Variants in LRP2 observed in about 807,000 individuals in gnomAD.
LRP2 encodes LDL receptor related protein 2, also known as low-density lipoprotein receptor-related protein 2.
LRP2 carries 172 observed loss-of-function variants against 531.0 expected under a neutral mutation model. The ratio of observed to expected loss-of-function variants is 0.32; its 90% CI spans 0.29 to 0.37. The LOEUF is 0.37. Ranked by LOEUF, LRP2 falls within the 10% of genes least tolerant of loss-of-function variation. LRP2 has a pLI of 1.00. For missense variants in LRP2, 5,167 were observed against 5,868.3 expected, an observed-to-expected ratio of 0.88 and a Z score of 3.90; for synonymous variants, 1,992 against 2,027.6, an observed-to-expected ratio of 0.98 and a Z score of 0.47.
At chr2:169,243,301 A>C in intron 23 of LRP2, 102 bp downstream of exon 23, 1 of 1,404,990 alleles carries the variant, frequency 7.1e-7, no homozygotes, top group East Asian at 2.3e-5. Flanking sequence ...CCCACCCCCC[A>C]ACAGGCCCCG....
chr2:169,135,718 G>A (rs1558970412), intron 76 of LRP2, among the ~76,000 whole-genome samples: 1 of 59,836 alleles, frequency 1.7e-5, no homozygotes, highest in African/African-American at 7.5e-5. Flanking sequence ...GAATGCTACA[G>A]GGTACAGCCA....
chr2:169,269,671 A>C (rs1342464356), intron 16 of LRP2, among the ~76,000 whole-genome samples: 1 of 152,198 alleles, frequency 6.6e-6, no homozygotes, highest in Non-Finnish European at 1.5e-5. Flanking sequence ...AACCTAGACA[A>C]TACCATTCAG....
chr2:169,332,268 C>T (rs1325521375), intron 1 of LRP2, among the ~76,000 whole-genome samples: 1 of 152,206 alleles, frequency 6.6e-6, no homozygotes, highest in Non-Finnish European at 1.5e-5. Flanking sequence ...AATGGACCTT[C>T]TTGACTGAAT....
intron 16 of LRP2, among the ~76,000 whole-genome samples, chr2:169,259,490 A>C (rs1690453637): frequency 6.6e-6 from 1 of 151,980 alleles, no homozygotes; most frequent in Non-Finnish European, 1.5e-5. Context: ...GCCTGGATTT[A>C]CTCCCATGTC....
intron 1 of LRP2, among the ~76,000 whole-genome samples, chr2:169,321,739 A>AAAAAC (rs1321975687): frequency 3.3e-5 from 5 of 152,046 alleles, no homozygotes; most frequent in Non-Finnish European, 5.9e-5. Flanking sequence ...CCAAAGAGCC[A>AAAAAC]AAAACAAAAC....
In LRP2 at chr2:169,350,659, G is replaced by A. The variant is rs1046100377; in HGVS notation, c.79+11662C>T. 1.8e-4 allele frequency among the ~76,000 whole-genome samples: 26 copies of A among 146,952 alleles called. 1 individual carries two copies. The highest frequency in any genetic ancestry group is 1.8e-3 in the Admixed American group (25 of 14,150). On this transcript the variant is annotated intron_variant, in intron 1 of 78. Coordinates refer to ENST00000649046, the MANE Select transcript of LRP2 (RefSeq NM_004525.3). Reference sequence around the variant, plus strand: ...GAATCGCTTGAACCTGGGAGGCAGAGGTTGCAGTGAGCCAAGATCACGCCT... The same window carrying A: ...GAATCGCTTGAACCTGGGAGGCAGAAGTTGCAGTGAGCCAAGATCACGCCT...
chr2:169,264,235 A>AAAGT (rs1394303559), intron 16 of LRP2, among the ~76,000 whole-genome samples: 1 of 152,032 alleles, frequency 6.6e-6, no homozygotes, highest in Non-Finnish European at 1.5e-5. Context: ...CCTAAAACTT[A>AAAGT]AAGTATAATA....
chr2:169,248,922 C>A, intron 19 of LRP2, among the ~76,000 whole-genome samples: 1 of 79,568 alleles, frequency 1.3e-5, no homozygotes, highest in Non-Finnish European at 2.5e-5. Context: ...TTGCGCTTTT[C>A]AGACCGGCTT....
chr2:169,201,613 T>G lies in LRP2; in HGVS notation c.8452+15A>C. 1 of 1,614,176 alleles carries G rather than the reference T, an allele frequency of 6.2e-7. No homozygotes were observed. The highest frequency in any genetic ancestry group is 8.5e-7 in the Non-Finnish European group (1 of 1,180,034). On this transcript the variant is annotated intron_variant, in intron 44 of 78. Coordinates refer to ENST00000649046, the MANE Select transcript of LRP2 (RefSeq NM_004525.3). The stretch of plus-strand genomic sequence containing the variant: ...TCAGACCCAAAATCACAATAAGCAC[T>G]TAAGATAAACTTACGGCAATTTTTC...
chr2:169,219,940 G>A (rs1464918410), intron 34 of LRP2, among the ~76,000 whole-genome samples: 1 of 152,066 alleles, frequency 6.6e-6, no homozygotes, highest in Non-Finnish European at 1.5e-5. Flanking sequence ...TATCTCCCAT[G>A]TGGTCAACAG....
chr2:169,237,287 C>G lies in LRP2; in HGVS notation c.4507G>C (p.Val1503Leu). The change falls in exon 28 of 79, where the codon GTA becomes CTA. Residue 1503 changes from valine to leucine, a missense_variant and splice_region_variant. By Grantham distance (32) the Val-to-Leu change is conservative. This residue lies in a region of LRP2 where 2,811 missense variants were observed against 3,058.0 expected (regional missense o/e 0.92). Coordinates refer to ENST00000649046, the MANE Select transcript of LRP2 (RefSeq NM_004525.3). ...GTCAAGATGATGCTACTGTCAAATA[C>G]CTAAAGACAAAAGTGAATAAAGAGT... ...AFQNGTDRRV[V>L]FDSSIILTET... 6.2e-7 allele frequency: 1 copy of G among 1,609,496 alleles called. No individual in the cohort carries two copies. Among genetic ancestry groups the G allele is most frequent in the Admixed American group, 1.7e-5 (1 of 59,990 alleles).
chr2:169,165,021 C>G (rs779287322), intron 62 of LRP2, among the ~76,000 whole-genome samples: 6 of 152,176 alleles, frequency 3.9e-5, no homozygotes, highest in Non-Finnish European at 7.3e-5. Flanking sequence ...AATGCTATCT[C>G]TGCCAGTAAT....
chr2:169,234,765 T>C (rs1689541379), intron 29 of LRP2, among the ~76,000 whole-genome samples: 1 of 152,212 alleles, frequency 6.6e-6, no homozygotes, highest in Non-Finnish European at 1.5e-5. Context: ...TTCCTATTTT[T>C]AATGGGGGTC....
rs1559012683 is a variant in LRP2, at chr2:169,201,764, C to T, written c.8316G>A (p.Glu2772=). 6.2e-7 allele frequency: 1 copy of T among 1,614,222 alleles called. No individual in the cohort carries two copies. The highest frequency in any genetic ancestry group is 8.5e-7 in the Non-Finnish European group (1 of 1,180,048). ...TGCAGTCCCTGAACAGGCACCCTGC[C>T]TCATCACTGCCATCACCACAGTCAT... ...YYNDCGDGSD[E]AGCLFRDCNA... Residue 2772 remains glutamate (E), a synonymous_variant, in exon 44 of 79, where the codon GAG becomes GAA. Transcript: ENST00000649046.
chr2:169,271,530 A>C (rs1559050429), intron 15 of LRP2: 3 of 161,134 alleles, frequency 1.9e-5, no homozygotes, highest in Admixed American at 1.3e-4. Context: ...AATAAATAAA[A>C]TAAAAAGGAC....
chr2:169,311,449 C>A (rs1327652218), intron 3 of LRP2, among the ~76,000 whole-genome samples: 1 of 152,176 alleles, frequency 6.6e-6, no homozygotes, highest in Non-Finnish European at 1.5e-5. Flanking sequence ...GCCTTCATTT[C>A]TTTATGTACC....
chr2:169,205,472 C>T lies in LRP2; in HGVS notation c.7715+7G>A, dbSNP rs1309265582. 1.9e-6 allele frequency: 3 copies of T among 1,613,926 alleles called. No homozygotes were observed. The highest frequency in any genetic ancestry group is 1.3e-5 in the African/African-American group (1 of 74,892). ...TAACACCCACATGAGTAACCAGAGA[C>T]ACCTACAGACTAGCATCCACCCAGT... On this transcript the variant is annotated splice_region_variant and intron_variant, in intron 41 of 78. Coordinates refer to ENST00000649046, the MANE Select transcript of LRP2 (RefSeq NM_004525.3).
intron 44 of LRP2, among the ~76,000 whole-genome samples, chr2:169,200,780 T>C (rs1014222278): frequency 6.6e-6 from 1 of 152,174 alleles, no homozygotes; most frequent in African/African-American, 2.4e-5. Flanking sequence ...GCAGGAACAC[T>C]AGAATTCTAA....
In LRP2 at chr2:169,135,328, C is replaced by T. The variant is rs1685461257; in HGVS notation, c.13620+2064G>A. Among the ~76,000 whole-genome samples, 4 of 152,152 alleles carry T rather than the reference C, an allele frequency of 2.6e-5. No homozygotes were observed. The South Asian group carries it at 8.3e-4, about 32-fold the overall frequency. On this transcript the variant is annotated intron_variant, in intron 76 of 78. Coordinates refer to ENST00000649046, the MANE Select transcript of LRP2 (RefSeq NM_004525.3). ...CTGGCAAATTGACTTTACTCACATG[C>T]CCCAAGTCAGGAAACTAAAATACCT...
Sources: allele counts gnomAD v4.1 joint callset (sites outside exome capture counted in the v4.1 genomes callset), GRCh38; gene constraint gnomAD v4.1.1; regional missense constraint gnomAD v4.1.1; transcripts MANE v1.5; gene names NCBI Gene and HGNC (gene_info 2026-07-23, HGNC 2026-07-21).